The following CHM variants were observed in gnomAD, a reference collection of about 807,000 sequenced individuals.
CHM encodes CHM Rab escort protein.
Under a neutral mutation model 49.0 loss-of-function variants are expected in CHM, and 10 were observed. The ratio of observed to expected loss-of-function variants is 0.20; its 90% confidence interval spans 0.13 to 0.35. CHM has a LOEUF of 0.35. Among genes scored for constraint, CHM ranks in the 10% least tolerant of loss-of-function variants. The pLI, the probability that CHM is intolerant of heterozygous loss-of-function variation, is 1.00. For synonymous variants in CHM, 184 were observed against 167.5 expected, an observed-to-expected ratio of 1.10 and a Z score of -0.76; for missense variants, 455 against 478.4, an observed-to-expected ratio of 0.95 and a Z score of 0.46.
Position 85,973,255 on chromosome X carries a change from C to T in CHM, c.314+5512G>A, listed in dbSNP as rs761807870. ...CAGAGGTTGCAATGAACCGAGATCA[C>T]GCCACTGCACTCCAGTGTGGTGACA... On this transcript the variant is annotated intron_variant, in intron 4 of 14. Transcript: ENST00000357749. 4.2e-4 allele frequency among the ~76,000 whole-genome samples: 37 copies of T among 88,058 alleles called. 1 individual carries two copies. The South Asian group carries it at 6.3e-3, about 15-fold the overall frequency. 76.5% of individuals were successfully genotyped at this position (88,058 alleles called of 115,157 possible).
chrX:85,913,484 G>T (rs1461166693), intron 8 of CHM, among the ~76,000 whole-genome samples: 2 of 109,429 alleles, frequency 1.8e-5, no homozygotes, highest in Admixed American at 2.0e-4. Flanking sequence ...GACAGGAGTA[G>T]ACGTCAGAAT....
chrX:85,865,529 G>A (rs1472992075), intron 14 of CHM, among the ~76,000 whole-genome samples: 2 of 111,683 alleles, frequency 1.8e-5, no homozygotes, highest in African/African-American at 6.5e-5. Flanking sequence ...CCAGGAGTGG[G>A]GTACTGCTAA....
intron 8 of CHM, among the ~76,000 whole-genome samples, chrX:85,936,593 G>A (rs1229309400): frequency 8.9e-6 from 1 of 112,244 alleles, no homozygotes; most frequent in Non-Finnish European, 1.9e-5. Context: ...AAGTTCATAA[G>A]ATGTAACAAA....
Position 85,864,290 on chromosome X carries a change from A to C in CHM, c.*340T>G, listed in dbSNP as rs745659324. The stretch of plus-strand genomic sequence containing the variant: ...AAATGTGGCTTTCAAACAAAGATCC[A>C]AAGTGGTAAGCAAAATTGTCCTAAG... On this transcript the variant is annotated 3_prime_UTR_variant, in exon 15 of 15. Coordinates refer to ENST00000357749, the MANE Select transcript of CHM (RefSeq NM_000390.4). The C allele has an allele frequency of 9.5e-5, 18 of 189,091 alleles. No individual in the cohort carries two copies. The highest frequency in any genetic ancestry group is 1.7e-4 in the Non-Finnish European group (17 of 102,745). The allele number at this position is 189,091 out of a possible 1,213,427, so 15.6% of individuals were successfully genotyped here.
intron 1 of CHM, among the ~76,000 whole-genome samples, chrX:86,034,652 C>T (rs1312151593): frequency 3.6e-5 from 4 of 110,911 alleles, no homozygotes; most frequent in East Asian, 2.8e-4. Flanking sequence ...TGGTGGCAGG[C>T]GCCTGTAATC....
chrX:86,021,114 A>G (rs1420906138), intron 2 of CHM, among the ~76,000 whole-genome samples: 2 of 66,611 alleles, frequency 3.0e-5, no homozygotes, highest in African/African-American at 5.8e-5. Context: ...ACGTATATAT[A>G]TGTGTATATA....
chrX:85,953,699 TG>T lies in CHM; in HGVS notation c.1166+2453del, dbSNP rs1252312626. Among the ~76,000 whole-genome samples the T allele has an allele frequency of 5.4e-5, 6 of 111,915 alleles. No homozygotes were observed. The Admixed American group carries it at 5.7e-4, about 11-fold the overall frequency. On this transcript the variant is annotated intron_variant, in intron 8 of 14. Coordinates refer to ENST00000357749, the MANE Select transcript of CHM (RefSeq NM_000390.4). The stretch of plus-strand genomic sequence containing the variant: ...AGACAGTCTTTTCCATAAAGGGTGT[TG>T]GGGTAACTGGATATCTGTATGCAGA...
chrX:85,976,389 G>A (rs900710797), intron 4 of CHM, among the ~76,000 whole-genome samples: 4 of 111,696 alleles, frequency 3.6e-5, no homozygotes, highest in Admixed American at 1.9e-4. Flanking sequence ...TTGGGAGGCC[G>A]AGGCAGGTGG....
chrX:85,976,289 G>A (rs973089558), intron 4 of CHM, among the ~76,000 whole-genome samples: 1 of 111,592 alleles, frequency 9.0e-6, no homozygotes, highest in Non-Finnish European at 1.9e-5. Flanking sequence ...TGCCGATGCT[G>A]TCTTCTCCTT....
At chrX:85,980,935 T>C (rs1931555580) in intron 3 of CHM, among the ~76,000 whole-genome samples, 1 of 110,144 alleles carries the variant, frequency 9.1e-6, no homozygotes, top group Admixed American at 9.7e-5. Context: ...TCAGGTGACC[T>C]CTATAAAATA....
intron 12 of CHM, among the ~76,000 whole-genome samples, chrX:85,888,784 G>A (rs1432135460): frequency 1.8e-5 from 2 of 111,932 alleles, no homozygotes; most frequent in Non-Finnish European, 3.8e-5. Flanking sequence ...GACAATAATT[G>A]CTCTACTTCT....
intron 8 of CHM, among the ~76,000 whole-genome samples, chrX:85,955,353 C>A: frequency 9.0e-6 from 1 of 110,764 alleles, no homozygotes; most frequent in Non-Finnish European, 1.9e-5. Flanking sequence ...CTCATGTACC[C>A]CACAAACACA....
intron 2 of CHM, among the ~76,000 whole-genome samples, chrX:86,003,719 G>C (rs1271464087): frequency 1.8e-5 from 2 of 111,696 alleles, no homozygotes; most frequent in Admixed American, 9.5e-5. Flanking sequence ...AGAAAAAAGA[G>C]TAAAAAGAAA....
At chrX:85,953,862 G>A (rs1437526983) in intron 8 of CHM, among the ~76,000 whole-genome samples, 1 of 111,818 alleles carries the variant, frequency 8.9e-6, no homozygotes. Context: ...ACTGGTCTGG[G>A]CAAAGATTTC....
intron 9 of CHM, among the ~76,000 whole-genome samples, chrX:85,905,738 C>CAGAG (rs1412238101): frequency 2.7e-5 from 3 of 111,168 alleles, no homozygotes; most frequent in Admixed American, 9.6e-5. Flanking sequence ...ACAGCAGGTA[C>CAGAG]AGAGACCCAT....
At chrX:85,894,724 C>T (rs1445889894) in intron 11 of CHM, among the ~76,000 whole-genome samples, 1 of 111,581 alleles carries the variant, frequency 9.0e-6, no homozygotes, top group East Asian at 2.8e-4. Flanking sequence ...CCAAACACCT[C>T]TGGTTTCAAG....
At chrX:85,923,091 T>C (rs1603251919) in intron 8 of CHM, among the ~76,000 whole-genome samples, 1 of 111,893 alleles carries the variant, frequency 8.9e-6, no homozygotes, top group East Asian at 2.8e-4. Context: ...TGGGGGTGAT[T>C]GTGAAATTAA....
intron 12 of CHM, 101 bp downstream of exon 12, chrX:85,894,086 AG>A (rs1306222080): frequency 2.6e-5 from 16 of 605,103 alleles, no homozygotes; most frequent in South Asian, 1.8e-4. Context: ...ATAATAAAAA[AG>A]TAAGAAAATC....
intron 8 of CHM, among the ~76,000 whole-genome samples, chrX:85,952,045 T>C (rs938527401): frequency 1.2e-4 from 14 of 112,100 alleles, no homozygotes; most frequent in Non-Finnish European, 2.6e-4. Flanking sequence ...GAATGGCCCA[T>C]CCCAGCAGCT....
Sources: gnomAD v4.1 joint callset for allele counts (sites outside exome capture counted in the v4.1 genomes callset) on GRCh38, gnomAD v4.1.1 for gene constraint, MANE v1.5 for transcripts, NCBI Gene and HGNC (gene_info 2026-07-23, HGNC 2026-07-21) for gene names.